Variants in NELL1 observed in about 807,000 individuals in gnomAD.
NELL1 encodes the protein neural EGFL like 1.
NELL1 carries 76 observed loss-of-function variants against 107.4 expected under a neutral mutation model. The observed-to-expected ratio is 0.71, with a 90% CI of 0.59 to 0.86. The LOEUF (loss-of-function observed/expected upper bound fraction) is 0.86, where lower values mean the gene tolerates loss of function less well. NELL1 is among the 40% of genes least tolerant of loss of function. NELL1 has a pLI of 0.00. For synonymous variants in NELL1, 353 were observed against 341.2 expected, an observed-to-expected ratio of 1.03 and a Z score of -0.38; for missense variants, 1,024 against 1,005.5, an observed-to-expected ratio of 1.02 and a Z score of -0.25.
At chr11:21,315,403 G>A (rs1409148312) in intron 14 of NELL1, among the ~76,000 whole-genome samples, 1 of 152,130 alleles carries the variant, frequency 6.6e-6, no homozygotes, top group African/African-American at 2.4e-5. Context: ...TATAGAGACA[G>A]TGGCCAAGGA....
At chr11:21,538,968 C>CCT (rs1856217952) in intron 16 of NELL1, among the ~76,000 whole-genome samples, 1 of 152,084 alleles carries the variant, frequency 6.6e-6, no homozygotes, top group Non-Finnish European at 1.5e-5. Flanking sequence ...CATTCTCTTT[C>CCT]CTCTACTCCT....
rs932057642 is a variant in NELL1 at position 21,397,035 on chromosome 11, T to A, written c.1645+26087T>A. ...TTAAATAGTAGCAGAGTTGAGGACA[T>A]TATCATCTTTCTATCATGAAATAAT... On this transcript the variant is annotated intron_variant, in intron 15 of 19. Transcript: ENST00000357134. Among the ~76,000 whole-genome samples, 5 of 151,688 alleles carry A rather than the reference T, an allele frequency of 3.3e-5. No homozygotes were observed. The East Asian group carries it at 9.7e-4, about 30-fold the overall frequency.
chr11:20,778,195 G>A (rs1295982953), intron 2 of NELL1, among the ~76,000 whole-genome samples: 2 of 152,078 alleles, frequency 1.3e-5, no homozygotes, highest in African/African-American at 4.8e-5. Flanking sequence ...ATCTCTATGG[G>A]CCTCCTCTGT....
At chr11:20,707,405 G>C (rs1854994609) in intron 2 of NELL1, among the ~76,000 whole-genome samples, 1 of 152,174 alleles carries the variant, frequency 6.6e-6, no homozygotes, top group Admixed American at 6.5e-5. Flanking sequence ...TTGTTCCATT[G>C]CTGGCAAGGA....
At chr11:20,878,313 C>T (rs977296034) in intron 4 of NELL1, among the ~76,000 whole-genome samples, 1 of 131,758 alleles carries the variant, frequency 7.6e-6, no homozygotes, top group East Asian at 2.3e-4. Flanking sequence ...GAGCCGAGAT[C>T]GCGGCACTGC....
chr11:21,391,314 A>G (rs1170452655), intron 15 of NELL1, among the ~76,000 whole-genome samples: 1 of 151,690 alleles, frequency 6.6e-6, no homozygotes, highest in African/African-American at 2.4e-5. Flanking sequence ...AGGAAATTTG[A>G]TGATGATGTG....
At chr11:21,336,674 T>TATATATACACACAC (rs55720144) in intron 14 of NELL1, among the ~76,000 whole-genome samples, 80 of 130,508 alleles carry the variant, frequency 6.1e-4, no homozygotes, top group Admixed American at 2.4e-3. Flanking sequence ...TATATATATA[T>TATATATACACACAC]ACACACACAC....
intron 12 of NELL1, among the ~76,000 whole-genome samples, chr11:21,074,079 T>A (rs919214757): frequency 5.9e-5 from 9 of 152,272 alleles, no homozygotes; most frequent in African/African-American, 1.9e-4. Flanking sequence ...TAAGCCTTAT[T>A]GGTTGAGGAT....
Position 20,924,093 on chromosome 11 carries a change from G to A in NELL1, c.760-3215G>A, listed in dbSNP as rs117053303. Among the ~76,000 whole-genome samples the A allele has an allele frequency of 2.6e-3, 395 of 152,274 alleles. 1 individual carries two copies. Among genetic ancestry groups the A allele is most frequent in the Non-Finnish European group, 4.3e-3 (294 of 68,022 alleles). ...GTAGATGTGATACCGTATCTATTTCGAATCTGCAGACAATCTTAGAGAAAG... is the reference window on the plus strand; with the variant it reads ...GTAGATGTGATACCGTATCTATTTCAAATCTGCAGACAATCTTAGAGAAAG... On this transcript the variant is annotated intron_variant, in intron 7 of 19. Transcript: ENST00000357134.
chr11:21,356,205 T>G (rs1168180749), intron 14 of NELL1, among the ~76,000 whole-genome samples: 1 of 152,188 alleles, frequency 6.6e-6, no homozygotes, highest in Admixed American at 6.5e-5. Context: ...CTCTTCTCTA[T>G]GAGAATGTAA....
At chr11:21,108,722 G>C (rs760187650) in intron 12 of NELL1, among the ~76,000 whole-genome samples, 1 of 152,114 alleles carries the variant, frequency 6.6e-6, no homozygotes, top group Non-Finnish European at 1.5e-5. Flanking sequence ...GCTTCTGTCT[G>C]TTTTGGGGCC....
At chr11:20,851,213 A>G (rs940689658) in intron 4 of NELL1, among the ~76,000 whole-genome samples, 1 of 152,190 alleles carries the variant, frequency 6.6e-6, no homozygotes, top group Non-Finnish European at 1.5e-5. Flanking sequence ...TTATTTTTTT[A>G]GGTCAGAATT....
At chr11:20,943,693 G>A (rs917208236) in intron 10 of NELL1, among the ~76,000 whole-genome samples, 4 of 152,164 alleles carry the variant, frequency 2.6e-5, no homozygotes, top group Non-Finnish European at 2.9e-5. Context: ...GAAGAACAAG[G>A]CCACATAGGT....
At chr11:20,692,889 T>C (rs185041647) in intron 2 of NELL1, among the ~76,000 whole-genome samples, 5,356 of 152,246 alleles carry the variant, frequency 0.035, 323 homozygotes, top group African/African-American at 0.12. Flanking sequence ...AGTGGGGTGT[T>C]AAAGTCTCCC....
intron 5 of NELL1, among the ~76,000 whole-genome samples, chr11:20,914,315 A>G (rs1251174509): frequency 6.6e-6 from 1 of 152,100 alleles, no homozygotes; most frequent in Non-Finnish European, 1.5e-5. Flanking sequence ...CCATCAGTAC[A>G]TGTAAGATTT....
intron 4 of NELL1, among the ~76,000 whole-genome samples, chr11:20,859,510 C>T (rs1848939796): frequency 6.6e-6 from 1 of 152,150 alleles, no homozygotes; most frequent in Non-Finnish European, 1.5e-5. Context: ...GCAAATGAGC[C>T]ATTCAGCCAT....
intron 15 of NELL1, among the ~76,000 whole-genome samples, chr11:21,403,400 T>C (rs1227818618): frequency 1.3e-5 from 2 of 151,700 alleles, no homozygotes; most frequent in Non-Finnish European, 2.9e-5. Flanking sequence ...AAATAGTAAC[T>C]ATTTTTCACA....
At chr11:21,040,736 G>A (rs991730127) in intron 12 of NELL1, among the ~76,000 whole-genome samples, 2 of 152,244 alleles carry the variant, frequency 1.3e-5, no homozygotes, top group South Asian at 2.1e-4. Context: ...CATGGCAAAT[G>A]TTTAAACCAC....
chr11:20,738,891 A>C (rs1398906388), intron 2 of NELL1, among the ~76,000 whole-genome samples: 1 of 152,150 alleles, frequency 6.6e-6, no homozygotes, highest in Non-Finnish European at 1.5e-5. Flanking sequence ...GTATTTCTTA[A>C]AGGTGTGTTT....
Sources: gnomAD v4.1 joint callset for allele counts (sites outside exome capture counted in the v4.1 genomes callset) on GRCh38, gnomAD v4.1.1 for gene constraint, MANE v1.5 for transcripts, NCBI Gene and HGNC (gene_info 2026-07-23, HGNC 2026-07-21) for gene names.